The following RBFOX1 variants were observed in gnomAD, a reference collection of about 807,000 sequenced individuals.
RBFOX1 encodes RNA binding protein fox-1 homolog 1.
Under a neutral mutation model 57.7 loss-of-function variants are expected in RBFOX1, and 8 were observed. The observed-to-expected ratio is 0.14, with a 90% CI of 0.08 to 0.25. RBFOX1 has a LOEUF of 0.25. Among genes scored for constraint, RBFOX1 ranks in the 10% least tolerant of loss-of-function variants. RBFOX1 has a pLI of 1.00. For synonymous variants in RBFOX1, 326 were observed against 222.4 expected (o/e 1.47, Z -4.15); for missense variants, 611 against 548.5 (o/e 1.11, Z -1.14).
chr16:7,311,002 G>A (rs538086090), intron 4 of RBFOX1, among the ~76,000 whole-genome samples: 50 of 152,298 alleles, frequency 3.3e-4, no homozygotes, highest in African/African-American at 1.1e-3. Context: ...TGCCGTGTCC[G>A]GTCTGGAATT....
At chr16:6,370,868 A>C (rs1339500636) in intron 2 of RBFOX1, among the ~76,000 whole-genome samples, 1 of 152,216 alleles carries the variant, frequency 6.6e-6, no homozygotes, top group Non-Finnish European at 1.5e-5. Context: ...ATTTTTTACA[A>C]GAGAGTGGGT....
chr16:6,605,955 C>A, intron 2 of RBFOX1, among the ~76,000 whole-genome samples: 1 of 151,672 alleles, frequency 6.6e-6, no homozygotes, highest in Non-Finnish European at 1.5e-5. Flanking sequence ...CAGAAATTAG[C>A]GGAGCATGGT....
At chr16:6,693,529 C>A (rs1283999253) in intron 3 of RBFOX1, among the ~76,000 whole-genome samples, 3 of 151,858 alleles carry the variant, frequency 2.0e-5, no homozygotes, top group Admixed American at 6.6e-5. Context: ...AACATCACCA[C>A]CATCATTAGC....
chr16:6,280,777 C>G (rs1244558872), intron 1 of RBFOX1, among the ~76,000 whole-genome samples: 2 of 152,016 alleles, frequency 1.3e-5, no homozygotes, highest in African/African-American at 2.4e-5. Flanking sequence ...CTGAAGGGCT[C>G]ACAGCTACAC....
intron 4 of RBFOX1, among the ~76,000 whole-genome samples, chr16:7,435,411 T>C (rs2149711179): frequency 6.6e-6 from 1 of 152,262 alleles, no homozygotes; most frequent in East Asian, 1.9e-4. Context: ...TTATCGCTGT[T>C]GATGTTCACC....
intron 4 of RBFOX1, among the ~76,000 whole-genome samples, chr16:7,272,166 C>T (rs2095334127): frequency 6.6e-6 from 1 of 152,110 alleles, no homozygotes; most frequent in African/African-American, 2.4e-5. Flanking sequence ...TAATAGATTA[C>T]TCTTTGCTTG....
chr16:5,333,416 A>G (rs2064812052), intron 1 of RBFOX1, among the ~76,000 whole-genome samples: 1 of 140,332 alleles, frequency 7.1e-6, no homozygotes, highest in South Asian at 2.6e-4. Flanking sequence ...TCAGGTCTGA[A>G]CAGCTGAAAA....
chr16:6,197,633 C>CTT lies in RBFOX1; in HGVS notation c.-126-119350_-126-119349dup, dbSNP rs35116781. On this transcript the variant is annotated intron_variant, in intron 1 of 15. Coordinates refer to ENST00000550418, the MANE Select transcript of RBFOX1 (RefSeq NM_018723.4). ...CACCTGTTTGGTGCACAATGAGTTT[C>CTT]TTTTTTTTTTTTTAATTTTTATTTA... is the stretch of plus-strand genomic sequence containing the variant. 3.6e-3 allele frequency among the ~76,000 whole-genome samples: 520 copies of CTT among 144,778 alleles called. 3 individuals are homozygous for CTT. Among genetic ancestry groups the CTT allele is most frequent in the Middle Eastern group, 0.021 (6 of 280 alleles). The allele number at this position is 144,778 out of a possible 152,430, so 95.0% of individuals were successfully genotyped here. A position where few individuals can be genotyped will look rare whatever the true frequency, so the allele number is the denominator to read the frequency against.
At chr16:6,769,948 A>G (rs2078020099) in intron 3 of RBFOX1, among the ~76,000 whole-genome samples, 1 of 152,136 alleles carries the variant, frequency 6.6e-6, no homozygotes. Context: ...AACTGTTCCT[A>G]TCTATGTGCC....
intron 3 of RBFOX1, among the ~76,000 whole-genome samples, chr16:5,726,557 C>G (rs1380452090): frequency 6.6e-6 from 1 of 152,210 alleles, no homozygotes; most frequent in African/African-American, 2.4e-5. Flanking sequence ...AATCCTTGTC[C>G]ATAGCCTGGA....
intron 3 of RBFOX1, among the ~76,000 whole-genome samples, chr16:7,042,401 T>C (rs779415749): frequency 6.6e-6 from 1 of 152,326 alleles, no homozygotes; most frequent in African/African-American, 2.4e-5. Context: ...TAATTCCCTC[T>C]TGAATATTTC....
At chr16:7,521,335 C>A (rs2077474298) in intron 5 of RBFOX1, among the ~76,000 whole-genome samples, 1 of 152,040 alleles carries the variant, frequency 6.6e-6, no homozygotes, top group African/African-American at 2.4e-5. Flanking sequence ...CCTGGTGGGT[C>A]CAATAAGGAG....
intron 3 of RBFOX1, among the ~76,000 whole-genome samples, chr16:6,657,472 G>C (rs555345110): frequency 3.9e-4 from 59 of 152,090 alleles, no homozygotes; most frequent in African/African-American, 1.3e-3. Context: ...TGGTGATATG[G>C]TGTGAGGCCA....
At chr16:7,237,554 A>C (rs2093831084) in intron 4 of RBFOX1, among the ~76,000 whole-genome samples, 1 of 152,238 alleles carries the variant, frequency 6.6e-6, no homozygotes, top group South Asian at 2.1e-4. Context: ...CTTAGACTCT[A>C]GATTTGGACC....
At chr16:5,870,241 G>A (rs1050999196) in intron 4 of RBFOX1, among the ~76,000 whole-genome samples, 2 of 151,282 alleles carry the variant, frequency 1.3e-5, no homozygotes, top group African/African-American at 2.4e-5. Flanking sequence ...GGCTGGGTAG[G>A]GGCAGAAAGG....
chr16:7,235,109 G>A (rs1271446464), intron 4 of RBFOX1, among the ~76,000 whole-genome samples: 3 of 152,076 alleles, frequency 2.0e-5, no homozygotes, highest in African/African-American at 7.2e-5. Flanking sequence ...AGTTCTTTAA[G>A]AGGTATATAA....
chr16:7,699,559 G>C (rs2079969868), intron 14 of RBFOX1, among the ~76,000 whole-genome samples: 1 of 152,152 alleles, frequency 6.6e-6, no homozygotes, highest in African/African-American at 2.4e-5. Flanking sequence ...TTCACATGTG[G>C]CTGTGGAGCC....
At chr16:5,646,238 G>GTGAAC (rs1479387650) in intron 3 of RBFOX1, among the ~76,000 whole-genome samples, 1 of 148,252 alleles carries the variant, frequency 6.7e-6, no homozygotes, top group Non-Finnish European at 1.5e-5. Flanking sequence ...TGTTAGCCAG[G>GTGAAC]ATGGTCTCAA....
chr16:5,607,485 T>C (rs2047626915), intron 3 of RBFOX1, among the ~76,000 whole-genome samples: 1 of 152,168 alleles, frequency 6.6e-6, no homozygotes. Flanking sequence ...TCTCTGAGGA[T>C]GGCTGTGCCC....
Sources: gnomAD v4.1 joint callset for allele counts (sites outside exome capture counted in the v4.1 genomes callset) on GRCh38, gnomAD v4.1.1 for gene constraint, MANE v1.5 for transcripts, NCBI Gene and HGNC (gene_info 2026-07-23, HGNC 2026-07-21) for gene names.